The following PLCL1 variants were observed in gnomAD, a reference collection of about 807,000 sequenced individuals.
The protein encoded by PLCL1 is inactive phospholipase C-like protein 1.
PLCL1 carries 41 observed loss-of-function variants against 84.4 expected under a neutral mutation model. That is an observed-to-expected ratio of 0.49 (90% CI 0.38 to 0.63). The LOEUF (loss-of-function observed/expected upper bound fraction) is 0.63. Among genes scored for constraint, PLCL1 ranks in the 30% least tolerant of loss-of-function variants. The pLI is 0.00. For missense variants in PLCL1, 1,206 were observed against 1,367.8 expected (o/e 0.88, Z 1.87); for synonymous variants, 490 against 488.3 (o/e 1.00, Z -0.05).
intron 1 of PLCL1, among the ~76,000 whole-genome samples, chr2:198,064,260 C>G (rs1212026400): frequency 6.6e-6 from 1 of 152,078 alleles, no homozygotes; most frequent in Non-Finnish European, 1.5e-5. Flanking sequence ...GCCTTATATC[C>G]TAGTTTGTTT....
intron 4 of PLCL1, among the ~76,000 whole-genome samples, chr2:198,102,963 G>A (rs1693381182): frequency 1.3e-5 from 2 of 152,002 alleles, no homozygotes; most frequent in Non-Finnish European, 2.9e-5. Flanking sequence ...CTTCAAGCTC[G>A]AGCAGATGGT....
At chr2:197,859,831 A>G (rs762311728) in intron 1 of PLCL1, among the ~76,000 whole-genome samples, 2 of 152,210 alleles carry the variant, frequency 1.3e-5, no homozygotes, top group Non-Finnish European at 2.9e-5. Context: ...AAGCACAATT[A>G]CAAAATTGCC....
chr2:197,921,637 T>G (rs1688700204), intron 1 of PLCL1, among the ~76,000 whole-genome samples: 1 of 152,200 alleles, frequency 6.6e-6, no homozygotes. Context: ...AATCTCTATT[T>G]TCATGACTTA....
intron 1 of PLCL1, among the ~76,000 whole-genome samples, chr2:198,040,826 G>A (rs184675118): frequency 6.6e-6 from 1 of 152,270 alleles, no homozygotes; most frequent in East Asian, 1.9e-4. Flanking sequence ...TTCTGCTAGA[G>A]TTTCATGTAG....
At chr2:197,930,921 CT>C (rs1391154393) in intron 1 of PLCL1, among the ~76,000 whole-genome samples, 1 of 152,100 alleles carries the variant, frequency 6.6e-6, no homozygotes, top group Non-Finnish European at 1.5e-5. Context: ...TAAAGATAGG[CT>C]GCTAAAAGTG....
intron 1 of PLCL1, among the ~76,000 whole-genome samples, chr2:197,903,721 T>A (rs1384464435): frequency 6.9e-6 from 1 of 144,336 alleles, no homozygotes; most frequent in African/African-American, 2.6e-5. Flanking sequence ...GCCGGGATGG[T>A]CTCGATCTCC....
chr2:198,104,851 G>A (rs552062349), intron 5 of PLCL1, among the ~76,000 whole-genome samples: 9 of 152,012 alleles, frequency 5.9e-5, no homozygotes, highest in African/African-American at 1.9e-4. Flanking sequence ...GTCTGTTCAC[G>A]TCCTTTGCCT....
intron 1 of PLCL1, among the ~76,000 whole-genome samples, chr2:197,830,185 G>A (rs565491689): frequency 4.6e-5 from 7 of 152,140 alleles, no homozygotes; most frequent in Admixed American, 3.9e-4. Flanking sequence ...CGAATTCACA[G>A]AAGTAAGCTT....
intron 1 of PLCL1, among the ~76,000 whole-genome samples, chr2:198,018,157 A>T (rs1691044708): frequency 6.6e-6 from 1 of 152,124 alleles, no homozygotes; most frequent in Non-Finnish European, 1.5e-5. Context: ...TATCCAAGGG[A>T]AGCCAAGAGG....
intron 1 of PLCL1, chr2:198,001,864 T>C (rs1197010333): frequency 7.6e-6 from 2 of 262,224 alleles, no homozygotes; most frequent in Non-Finnish European, 1.6e-5. Context: ...AACCCTATTG[T>C]GAACTGTGCG....
At chr2:198,015,833 A>G (rs1191595740) in intron 1 of PLCL1, among the ~76,000 whole-genome samples, 2 of 152,210 alleles carry the variant, frequency 1.3e-5, no homozygotes, top group Non-Finnish European at 2.9e-5. Context: ...ACTGGAGCCA[A>G]AATTTTGAGT....
At chr2:197,904,589 G>A (rs544504889) in intron 1 of PLCL1, among the ~76,000 whole-genome samples, 2 of 152,222 alleles carry the variant, frequency 1.3e-5, no homozygotes, top group South Asian at 2.1e-4. Context: ...CTATTCTTGG[G>A]TTTCTTGTGC....
chr2:197,827,663 T>A (rs1303105885), intron 1 of PLCL1, among the ~76,000 whole-genome samples: 2 of 152,154 alleles, frequency 1.3e-5, no homozygotes, highest in African/African-American at 4.8e-5. Context: ...CAGTGTAGCA[T>A]TAAAAAAGTA....
chr2:198,040,366 C>T (rs961709622), intron 1 of PLCL1, among the ~76,000 whole-genome samples: 2 of 152,116 alleles, frequency 1.3e-5, no homozygotes, highest in Admixed American at 6.6e-5. Context: ...CATCCTAGGA[C>T]TATCATGACT....
At chr2:197,963,260 A>C (rs933712871) in intron 1 of PLCL1, among the ~76,000 whole-genome samples, 1 of 151,946 alleles carries the variant, frequency 6.6e-6, no homozygotes, top group African/African-American at 2.4e-5. Flanking sequence ...TATTGACTGA[A>C]TTTGGTTAAA....
chr2:197,994,035 G>T (rs984588137), intron 1 of PLCL1, among the ~76,000 whole-genome samples: 4 of 152,168 alleles, frequency 2.6e-5, no homozygotes, highest in Non-Finnish European at 5.9e-5. Context: ...GTTCTCAAGA[G>T]TGTGAGTTAG....
intron 1 of PLCL1, among the ~76,000 whole-genome samples, chr2:198,033,442 GA>G (rs1318998476): frequency 2.0e-5 from 3 of 152,200 alleles, no homozygotes; most frequent in African/African-American, 7.2e-5. Context: ...AGGGTACCAT[GA>G]AGACGGAGAT....
intron 5 of PLCL1, among the ~76,000 whole-genome samples, chr2:198,144,362 A>C (rs1017184482): frequency 6.6e-6 from 1 of 152,208 alleles, no homozygotes; most frequent in African/African-American, 2.4e-5. Context: ...ATAAATGGAA[A>C]GATTCCTTTA....
chr2:198,121,303 A>G (rs11884454), intron 5 of PLCL1, among the ~76,000 whole-genome samples: 57,198 of 151,768 alleles, frequency 0.38, 11,091 homozygotes, highest in Middle Eastern at 0.5. Flanking sequence ...TGCTGTGCAG[A>G]AACTTTTTAA....
Sources: gnomAD v4.1 joint callset for allele counts (sites outside exome capture counted in the v4.1 genomes callset) on GRCh38, gnomAD v4.1.1 for gene constraint, MANE v1.5 for transcripts, NCBI Gene and HGNC (gene_info 2026-07-23, HGNC 2026-07-21) for gene names.